Variants in OXCT1 observed in about 807,000 individuals in gnomAD.
OXCT1 encodes the protein succinyl-CoA:3-ketoacid coenzyme A transferase 1, mitochondrial.
A neutral mutation model predicts 69.6 loss-of-function variants in OXCT1; 27 were observed. The ratio of observed to expected loss-of-function variants is 0.39; its 90% CI spans 0.29 to 0.54. OXCT1 has a LOEUF of 0.54. OXCT1 is among the 20% of genes least tolerant of loss of function. The probability of loss-of-function intolerance (pLI) is 0.72; values close to 1 mark genes in which losing one functional copy is unlikely to be tolerated. For missense variants in OXCT1, 437 were observed against 650.2 expected (o/e 0.67, Z 3.57); for synonymous variants, 202 against 217.8 (o/e 0.93, Z 0.64).
intron 15 of OXCT1, among the ~76,000 whole-genome samples, chr5:41,748,246 G>A (rs1000630404): frequency 4.6e-5 from 7 of 151,992 alleles, no homozygotes; most frequent in South Asian, 2.1e-4. Context: ...AGTATTTGGG[G>A]AGGCTGAGGA....
At chr5:41,736,042 T>G (rs553116492) in intron 16 of OXCT1, among the ~76,000 whole-genome samples, 11 of 152,312 alleles carry the variant, frequency 7.2e-5, no homozygotes, top group African/African-American at 2.6e-4. Flanking sequence ...GCCACATCCC[T>G]CACTCTAGCC....
At chr5:41,733,250 T>C (rs1345927747) in intron 16 of OXCT1, among the ~76,000 whole-genome samples, 3 of 150,980 alleles carry the variant, frequency 2.0e-5, no homozygotes, top group African/African-American at 7.3e-5. Flanking sequence ...GAAACTTTTT[T>C]TTTTTTTTTT....
intron 15 of OXCT1, among the ~76,000 whole-genome samples, chr5:41,742,675 C>T (rs1457041229): frequency 1.3e-5 from 2 of 151,616 alleles, no homozygotes; most frequent in African/African-American, 4.8e-5. Flanking sequence ...ATGTTCCCCA[C>T]CCTGTGTCCA....
chr5:41,763,640 A>G (rs577212104), intron 13 of OXCT1, among the ~76,000 whole-genome samples: 120 of 152,262 alleles, frequency 7.9e-4, no homozygotes, highest in Non-Finnish European at 1.3e-3. Flanking sequence ...AAATGTGTCA[A>G]TCTGCTATGG....
At chr5:41,766,820 T>G (rs1744626949) in intron 13 of OXCT1, among the ~76,000 whole-genome samples, 1 of 152,134 alleles carries the variant, frequency 6.6e-6, no homozygotes, top group Non-Finnish European at 1.5e-5. Context: ...AAACAATTTA[T>G]AATATATAGA....
At position 41,762,239 on chromosome 5, in the gene OXCT1, T is replaced by G. The variant is rs772887317; in HGVS notation, c.1249-39A>C. 32 of 1,455,602 alleles carry G rather than the reference T, an allele frequency of 2.2e-5. No individual in the cohort carries two copies. The highest frequency in any genetic ancestry group is 2.8e-5 in the Non-Finnish European group (29 of 1,035,564). The allele number at this position is 1,455,602 out of a possible 1,614,324, so 90.2% of individuals were successfully genotyped here. On this transcript the variant is annotated intron_variant, in intron 13 of 16. Transcript: ENST00000196371. This position sits in a 1 kb window ranked among gnomAD's most constrained non-coding sequence, Gnocchi z 4.0. ...AATAAATAGCTCTGTATCTTTCACT[T>G]CTTTTGTATGTGACAGAACAAAATT... is the stretch of plus-strand genomic sequence containing the variant.
At position 41,777,139 on chromosome 5, in the gene OXCT1, C is replaced by T. The variant is rs1297143729; in HGVS notation, c.1249-14939G>A. Among the ~76,000 whole-genome samples, 4 of 152,190 alleles carry T rather than the reference C, an allele frequency of 2.6e-5. No homozygotes were observed. The East Asian group carries it at 5.8e-4, about 22-fold the overall frequency. On this transcript the variant is annotated intron_variant, in intron 13 of 16. Coordinates refer to ENST00000196371, the MANE Select transcript of OXCT1 (RefSeq NM_000436.4). ...AAGCTCTCCTTTACAAAAAAGGGGC[C>T]GGGTGCGGTGGCTTATGCCTGTAAT...
chr5:41,814,653 C>T (rs1009840992), intron 7 of OXCT1, among the ~76,000 whole-genome samples: 7 of 144,078 alleles, frequency 4.9e-5, no homozygotes, highest in Non-Finnish European at 1.0e-4. Context: ...CATATTCTCA[C>T]TCATAGGTGG....
intron 7 of OXCT1, among the ~76,000 whole-genome samples, chr5:41,838,563 T>C (rs529014543): frequency 6.6e-6 from 1 of 152,270 alleles, no homozygotes; most frequent in South Asian, 2.1e-4. Flanking sequence ...CAGTAATCAC[T>C]AGCCACATGT....
At chr5:41,854,603 AT>A (rs1055890270) in intron 3 of OXCT1, among the ~76,000 whole-genome samples, 32 of 151,564 alleles carry the variant, frequency 2.1e-4, no homozygotes, top group East Asian at 5.8e-4. Context: ...TAATGACAAA[AT>A]TTTTTTTTAA....
intron 5 of OXCT1, among the ~76,000 whole-genome samples, chr5:41,847,700 T>C: frequency 6.6e-6 from 1 of 152,306 alleles, no homozygotes; most frequent in South Asian, 2.1e-4. Flanking sequence ...TCTCAATAGA[T>C]GCAGAAAAGA....
At chr5:41,763,636 G>C (rs1284765334) in intron 13 of OXCT1, among the ~76,000 whole-genome samples, 1 of 152,078 alleles carries the variant, frequency 6.6e-6, no homozygotes, top group Non-Finnish European at 1.5e-5. Flanking sequence ...GATAAAATGT[G>C]TCAATCTGCT....
Position 41,870,213 on chromosome 5 carries a change from G to T in OXCT1, c.78+68C>A, listed in dbSNP as rs1561144065. ...AGCGGGTAGGGGCAGAGAAGAAAAC[G>T]CGGGCACCACTCAGGGTTTGGTCCA... On this transcript the variant is annotated intron_variant, in intron 1 of 16. Coordinates refer to ENST00000196371, the MANE Select transcript of OXCT1 (RefSeq NM_000436.4). The surrounding 1 kb of genome is among the most constrained non-coding windows in gnomAD (Gnocchi z 4.2). 5 of 1,238,358 alleles carry T rather than the reference G, an allele frequency of 4.0e-6. No individual in the cohort carries two copies. Among genetic ancestry groups the T allele is most frequent in the Non-Finnish European group, 5.9e-6 (5 of 841,868 alleles). The allele number at this position is 1,238,358 out of a possible 1,614,324, so 76.7% of individuals were successfully genotyped here. A position where few individuals can be genotyped will look rare whatever the true frequency, so the allele number is the denominator to read the frequency against.
At chr5:41,759,887 C>T (rs1451255528) in intron 14 of OXCT1, among the ~76,000 whole-genome samples, 1 of 152,080 alleles carries the variant, frequency 6.6e-6, no homozygotes, top group Non-Finnish European at 1.5e-5. Flanking sequence ...CTATATTTCT[C>T]AGGTTTTAAT....
At chr5:41,854,569 GC>G (rs1749340857) in intron 3 of OXCT1, among the ~76,000 whole-genome samples, 1 of 151,824 alleles carries the variant, frequency 6.6e-6, no homozygotes. Flanking sequence ...TTGACCTTAA[GC>G]TTTTTTTAAT....
intron 16 of OXCT1, among the ~76,000 whole-genome samples, chr5:41,737,778 G>A (rs187002054): frequency 2.9e-4 from 44 of 152,254 alleles, no homozygotes; most frequent in East Asian, 1.9e-3. Flanking sequence ...TGTGTAGGCC[G>A]GGCACGGTGG....
intron 3 of OXCT1, among the ~76,000 whole-genome samples, chr5:41,854,203 T>G (rs1245609523): frequency 6.6e-6 from 1 of 152,102 alleles, no homozygotes; most frequent in Admixed American, 6.6e-5. Flanking sequence ...CACAAGCCAG[T>G]GAAGAGTGTT....
At chr5:41,817,349 G>C (rs899818466) in intron 7 of OXCT1, among the ~76,000 whole-genome samples, 1 of 152,092 alleles carries the variant, frequency 6.6e-6, no homozygotes, top group African/African-American at 2.4e-5. Context: ...ATCACCTAAA[G>C]TCATTTCACC....
At chr5:41,757,667 C>T (rs1471335485) in intron 14 of OXCT1, among the ~76,000 whole-genome samples, 3 of 151,922 alleles carry the variant, frequency 2.0e-5, no homozygotes, top group African/African-American at 4.8e-5. Context: ...TTCACAATGT[C>T]GAGAGGACAG....
Sources: allele counts gnomAD v4.1 joint callset (sites outside exome capture counted in the v4.1 genomes callset), GRCh38; gene constraint gnomAD v4.1.1; non-coding constraint Gnocchi (gnomAD v3.1); transcripts MANE v1.5; gene names NCBI Gene and HGNC (gene_info 2026-07-23, HGNC 2026-07-21).